Variants in PCDHGA5 observed in about 807,000 individuals in gnomAD.
PCDHGA5 encodes protocadherin gamma subfamily A, 5.
PCDHGA5 carries 36 observed loss-of-function variants against 56.7 expected under a neutral mutation model. The ratio of observed to expected loss-of-function variants is 0.64; its 90% CI spans 0.49 to 0.84. PCDHGA5 has a LOEUF of 0.84. PCDHGA5 is among the 40% of genes least tolerant of loss of function. The pLI, the probability that PCDHGA5 is intolerant of heterozygous loss-of-function variation, is 0.00. For missense variants in PCDHGA5, 1,305 were observed against 1,201.5 expected (o/e 1.09, Z -1.27); for synonymous variants, 563 against 520.2 (o/e 1.08, Z -1.12).
intron 1 of PCDHGA5, chr5:141,416,848 G>A (rs2154546681): frequency 1.3e-5 from 2 of 152,166 alleles, no homozygotes; most frequent in East Asian, 3.9e-4. Flanking sequence ...ATAATTCCAT[G>A]ATTTTTTTCA....
At position 141,394,887 on chromosome 5, in the gene PCDHGA5, T is replaced by C. The variant is rs781200096; in HGVS notation, c.2421+28136T>C. 63 of 1,613,752 alleles carry C rather than the reference T, an allele frequency of 3.9e-5. 1 individual carries two copies. In the Admixed American group the frequency reaches 1.0e-3, roughly 26 times the overall value. ...CCCGAACGATTCGAGCCTTACACTC[T>C]ATCTCGTGGTGGCAGTGGCTGCCAT... is the stretch of plus-strand genomic sequence containing the variant. On this transcript the variant is annotated intron_variant, in intron 1 of 3. Coordinates refer to ENST00000518069, the MANE Select transcript of PCDHGA5 (RefSeq NM_018918.3).
At position 141,511,519 on chromosome 5, in the gene PCDHGA5, C is replaced by A; in HGVS notation, c.*346C>A. On this transcript the variant is annotated 3_prime_UTR_variant, in exon 4 of 4. Transcript: ENST00000518069. ...CCAAATCAATCAGGCCCATCCATCC[C>A]ATGCCTCCCTCCTCCCCACCCCACT... 2.7e-6 allele frequency: 1 copy of A among 367,516 alleles called. No individual in the cohort carries two copies. The highest frequency in any genetic ancestry group is 2.7e-5 in the South Asian group (1 of 36,848). 22.8% of individuals were successfully genotyped at this position (367,516 alleles called of 1,614,324 possible). A position where few individuals can be genotyped will look rare whatever the true frequency, so the allele number is the denominator to read the frequency against.
chr5:141,403,006 G>C (rs536630249), intron 1 of PCDHGA5: 3 of 1,613,888 alleles, frequency 1.9e-6, no homozygotes, highest in Non-Finnish European at 2.5e-6. Context: ...TGCTATGCTC[G>C]CTCCTGGGGA....
Position 141,366,216 on chromosome 5 carries a change from C to T in PCDHGA5, c.1886C>T (p.Ala629Val). Reference protein sequence around the residue: ...VGLHTGEVRTARALLDRDALK... With the variant: ...VGLHTGEVRTVRALLDRDALK... ...CTGCACACGGGCGAGGTGCGCACAGCGCGAGCCCTGCTGGACAGAGACGCG... is the reference window on the plus strand; with the variant it reads ...CTGCACACGGGCGAGGTGCGCACAGTGCGAGCCCTGCTGGACAGAGACGCG... The change falls in exon 1 of 4, where the codon GCG (alanine) becomes GTG (valine). Residue 629 changes from alanine to valine, a missense_variant. Coordinates refer to ENST00000518069, the MANE Select transcript of PCDHGA5 (RefSeq NM_018918.3). The T allele has an allele frequency of 6.2e-7, 1 of 1,613,804 alleles. No homozygotes were observed. Among genetic ancestry groups the T allele is most frequent in the Non-Finnish European group, 8.5e-7 (1 of 1,180,040 alleles).
chr5:141,378,356 C>G (rs1244158802), intron 1 of PCDHGA5: 2 of 152,218 alleles, frequency 1.3e-5, no homozygotes, highest in African/African-American at 4.8e-5. Flanking sequence ...AACCCCGTCT[C>G]TACTAAAAAT....
chr5:141,436,118 T>C (rs188307595), intron 1 of PCDHGA5, among the ~76,000 whole-genome samples: 5 of 152,310 alleles, frequency 3.3e-5, no homozygotes, highest in Admixed American at 2.0e-4. Flanking sequence ...ATGAAACCTC[T>C]CTCCTCCATC....
rs769437434 is a variant in PCDHGA5 at position 141,365,612 on chromosome 5, G to A, written c.1282G>A (p.Gly428Arg). 6.2e-7 allele frequency: 1 copy of A among 1,613,592 alleles called. No individual in the cohort carries two copies. Among genetic ancestry groups the A allele is most frequent in the Admixed American group, 1.7e-5 (1 of 60,016 alleles). The stretch of plus-strand genomic sequence containing the variant: ...TATCACTTTAACCGTCATGGACCAT[G>A]GAACCCCGCCCCTCTCTACAGAAAG... ...YNITLTVMDH[G>R]TPPLSTESHI... The change falls in exon 1 of 4, where the codon GGA becomes AGA. Residue 428 changes from glycine to arginine, a missense_variant. Gly to Arg is a moderately radical substitution (Grantham distance 125, BLOSUM62 -2). Coordinates refer to ENST00000518069, the MANE Select transcript of PCDHGA5 (RefSeq NM_018918.3).
At position 141,486,996 on chromosome 5, in the gene PCDHGA5, A is replaced by G; in HGVS notation, c.2422-7811A>G. ...TCAGGTTACAATGCTTGGGTTTCCT[A>G]TCAGCTCCTGGAGGCCCCAGATCCC... On this transcript the variant is annotated intron_variant, in intron 1 of 3. Coordinates refer to ENST00000518069, the MANE Select transcript of PCDHGA5 (RefSeq NM_018918.3). This position sits in a 1 kb window ranked among gnomAD's most constrained non-coding sequence, Gnocchi z 5.0. 6.2e-7 allele frequency: 1 copy of G among 1,614,152 alleles called. No individual in the cohort carries two copies. Among genetic ancestry groups the G allele is most frequent in the Non-Finnish European group, 8.5e-7 (1 of 1,180,032 alleles).
At chr5:141,374,796 A>G (rs1422023332) in intron 1 of PCDHGA5, 5 of 1,613,974 alleles carry the variant, frequency 3.1e-6, no homozygotes, top group Non-Finnish European at 3.4e-6. Context: ...GTGAATGACA[A>G]CACTCCAATG....
In PCDHGA5 at chr5:141,417,067, A is replaced by G. The variant is rs1008801110; in HGVS notation, c.2421+50316A>G. The stretch of plus-strand genomic sequence containing the variant: ...AAAAACTGCTCTTGACATTGTAGCT[A>G]TTGTGAGAAAATATTTTGATTATAA... On this transcript the variant is annotated intron_variant, in intron 1 of 3. Coordinates refer to ENST00000518069, the MANE Select transcript of PCDHGA5 (RefSeq NM_018918.3). 2.0e-5 allele frequency: 3 copies of G among 152,102 alleles called. No homozygotes were observed. The South Asian group carries it at 6.2e-4, about 31-fold the overall frequency. 9.4% of individuals were successfully genotyped at this position (152,102 alleles called of 1,614,324 possible).
intron 3 of PCDHGA5, among the ~76,000 whole-genome samples, chr5:141,505,765 T>C (rs970212345): frequency 5.3e-5 from 8 of 151,922 alleles, no homozygotes; most frequent in African/African-American, 1.9e-4. Flanking sequence ...ACAGTGTAGC[T>C]CAGGTCCTAG....
intron 1 of PCDHGA5, chr5:141,377,040 T>G (rs1229321442): frequency 1.9e-5 from 3 of 154,184 alleles, no homozygotes; most frequent in African/African-American, 7.2e-5. Flanking sequence ...CTTTGATTAG[T>G]GCTTAGTTTT....
Position 141,493,360 on chromosome 5 carries a change from G to T in PCDHGA5, c.2422-1447G>T, listed in dbSNP as rs1364095483. Reference sequence around the variant, plus strand: ...CAGAATGTGTGCTTTTAATTTCTTGGCACTTGGAACTTTAAAAGCTTGAGG... The same window carrying T: ...CAGAATGTGTGCTTTTAATTTCTTGTCACTTGGAACTTTAAAAGCTTGAGG... On this transcript the variant is annotated intron_variant, in intron 1 of 3. Transcript: ENST00000518069. This position sits in a 1 kb window ranked among gnomAD's most constrained non-coding sequence, Gnocchi z 4.3. Among the ~76,000 whole-genome samples the T allele has an allele frequency of 6.6e-6, 1 of 152,144 alleles. No individual in the cohort carries two copies. The highest frequency in any genetic ancestry group is 1.5e-5 in the Non-Finnish European group (1 of 68,022).
At chr5:141,419,034 T>C in intron 1 of PCDHGA5, 1 of 1,613,902 alleles carries the variant, frequency 6.2e-7, no homozygotes, top group Non-Finnish European at 8.5e-7. Flanking sequence ...GGTGTTCCAT[T>C]TAAGATTCAT....
chr5:141,409,476 C>T (rs1195323775), intron 1 of PCDHGA5: 1 of 1,613,982 alleles, frequency 6.2e-7, no homozygotes, highest in South Asian at 1.1e-5. Context: ...ATCGTAGCCA[C>T]TGACAGGGGC....
intron 1 of PCDHGA5, chr5:141,410,447 C>T (rs760711107): frequency 3.1e-6 from 5 of 1,613,984 alleles, no homozygotes; most frequent in African/African-American, 2.7e-5. Context: ...GGGGACTTTG[C>T]CTTATTCTTA....
At chr5:141,386,427 C>T (rs2090573409) in intron 1 of PCDHGA5, among the ~76,000 whole-genome samples, 1 of 152,052 alleles carries the variant, frequency 6.6e-6, no homozygotes. Context: ...CTGTAGCCCA[C>T]CTGCATGGGA....
rs778054090 is a variant in PCDHGA5 at position 141,505,509 on chromosome 5, G to C, written c.2569+28G>C. On this transcript the variant is annotated intron_variant, in intron 3 of 3. Coordinates refer to ENST00000518069, the MANE Select transcript of PCDHGA5 (RefSeq NM_018918.3). ...AAGTGGTGTCAGTGTGTGTATGGAA[G>C]AGTGGGAGACCTGGGGTTCTGGGGT... The C allele has an allele frequency of 3.7e-6, 6 of 1,614,058 alleles. No homozygotes were observed. The East Asian group carries it at 1.1e-4, about 30-fold the overall frequency.
At chr5:141,388,085 C>G in intron 1 of PCDHGA5, 1 of 1,363,472 alleles carries the variant, frequency 7.3e-7, no homozygotes, top group Non-Finnish European at 1.0e-6. Context: ...GAAAACTGCG[C>G]GTCAGTTCGG....
Sources: allele counts gnomAD v4.1 joint callset (sites outside exome capture counted in the v4.1 genomes callset), GRCh38; gene constraint gnomAD v4.1.1; non-coding constraint Gnocchi (gnomAD v3.1); transcripts MANE v1.5; gene names NCBI Gene and HGNC (gene_info 2026-07-23, HGNC 2026-07-21).